Variants in RBPMS observed in about 807,000 individuals in gnomAD.
RBPMS encodes RNA-binding protein with multiple splicing.
In RBPMS, 7 loss-of-function variants were observed where a neutral mutation model predicts 26.8. The observed-to-expected ratio is 0.26, with a 90% CI of 0.15 to 0.49. RBPMS has a LOEUF of 0.49. Among genes scored for constraint, RBPMS ranks in the 20% least tolerant of loss-of-function variants. RBPMS has a pLI of 0.98. For missense variants in RBPMS, 186 were observed against 250.0 expected (o/e 0.74, Z 1.73); for synonymous variants, 96 against 93.3 (o/e 1.03, Z -0.17).
At chr8:30,549,726 A>ATTTCTTTC (rs199860833) in intron 6 of RBPMS, 22 of 496,140 alleles carry the variant, frequency 4.4e-5, no homozygotes, top group South Asian at 1.6e-4. Context: ...CCTGGAGGCG[A>ATTTCTTTC]TTTCTTTCTT....
intron 4 of RBPMS, among the ~76,000 whole-genome samples, chr8:30,499,870 CTGTGTGTGTGTGTG>C (rs10543546): frequency 6.7e-4 from 101 of 150,296 alleles, no homozygotes; most frequent in Middle Eastern, 3.4e-3. Flanking sequence ...TCAGGGGAAA[CTGTGTGTGTGTGTG>C]TGTGTGTGTG....
At chr8:30,427,643 T>C (rs1210038233) in intron 1 of RBPMS, among the ~76,000 whole-genome samples, 1 of 152,228 alleles carries the variant, frequency 6.6e-6, no homozygotes, top group Non-Finnish European at 1.5e-5. Context: ...ATTTTTTATG[T>C]GTTTGGCAGA....
intron 5 of RBPMS, among the ~76,000 whole-genome samples, chr8:30,527,495 C>T (rs1274489721): frequency 6.6e-6 from 1 of 152,134 alleles, no homozygotes; most frequent in East Asian, 1.9e-4. Flanking sequence ...GTTTCTATTC[C>T]CTCTGAGACA....
intron 5 of RBPMS, among the ~76,000 whole-genome samples, chr8:30,508,349 A>G (rs1001923352): frequency 5.9e-5 from 9 of 152,190 alleles, no homozygotes; most frequent in African/African-American, 1.7e-4. Flanking sequence ...TAGAAATACA[A>G]TACATCAAGT....
chr8:30,470,234 A>G (rs2150812314), intron 1 of RBPMS, among the ~76,000 whole-genome samples: 1 of 152,210 alleles, frequency 6.6e-6, no homozygotes, highest in Non-Finnish European at 1.5e-5. Flanking sequence ...AAATACAAAA[A>G]TTAGCTGAGC....
chr8:30,516,903 T>TACACACAC (rs139256402), intron 5 of RBPMS, among the ~76,000 whole-genome samples: 45 of 147,390 alleles, frequency 3.1e-4, no homozygotes, highest in East Asian at 1.5e-3. Flanking sequence ...CATCTCTAAA[T>TACACACAC]ACACACACAC....
intron 5 of RBPMS, among the ~76,000 whole-genome samples, chr8:30,506,399 C>T (rs951374041): frequency 4.0e-5 from 6 of 150,262 alleles, no homozygotes; most frequent in African/African-American, 1.5e-4. Flanking sequence ...AAATAAAAGT[C>T]AGCATGATTT....
chr8:30,414,649 T>C (rs575665401), intron 1 of RBPMS, among the ~76,000 whole-genome samples: 2 of 152,320 alleles, frequency 1.3e-5, no homozygotes, highest in South Asian at 4.1e-4. Context: ...TATCTGTGGC[T>C]CTTTAATTTA....
chr8:30,486,327 G>A (rs1274704887), intron 4 of RBPMS, among the ~76,000 whole-genome samples: 2 of 150,818 alleles, frequency 1.3e-5, no homozygotes, highest in African/African-American at 4.9e-5. Context: ...ATGACAGAGC[G>A]AGACTCCATC....
intron 1 of RBPMS, among the ~76,000 whole-genome samples, chr8:30,450,923 A>G (rs759709778): frequency 4.5e-4 from 69 of 152,102 alleles, no homozygotes; most frequent in Non-Finnish European, 8.7e-4. Flanking sequence ...GCAGATATAT[A>G]TCTGGTAAAA....
At chr8:30,419,562 C>A (rs1188237504) in intron 1 of RBPMS, among the ~76,000 whole-genome samples, 1 of 151,616 alleles carries the variant, frequency 6.6e-6, no homozygotes, top group Admixed American at 6.6e-5. Flanking sequence ...TGAGCACTGA[C>A]GTACCACAAG....
intron 4 of RBPMS, among the ~76,000 whole-genome samples, chr8:30,483,757 ACCTCCCCATT>A (rs1818511368): frequency 2.0e-5 from 3 of 151,892 alleles, no homozygotes; most frequent in Admixed American, 2.0e-4. Flanking sequence ...TGCAGTAAAT[ACCTCCCCATT>A]CTCCCTTTTC....
chr8:30,547,503 A>G lies in RBPMS; in HGVS notation c.528+2879A>G, dbSNP rs1420630078. On this transcript the variant is annotated intron_variant, in intron 6 of 8. Transcript: ENST00000397323. ...TTGAGAGATTTCAATAAAAATTTTA[A>G]TCAGAGCAAAAATGAACTCAAGTAG... is the stretch of plus-strand genomic sequence containing the variant. 1.9e-6 allele frequency: 3 copies of G among 1,539,848 alleles called. No individual in the cohort carries two copies. In the East Asian group the frequency reaches 6.8e-5, roughly 35 times the overall value.
intron 5 of RBPMS, among the ~76,000 whole-genome samples, chr8:30,522,933 G>A (rs973041557): frequency 2.0e-5 from 3 of 152,144 alleles, no homozygotes; most frequent in Admixed American, 2.0e-4. Context: ...TATATAAGAA[G>A]AATAATGCTT....
At chr8:30,470,864 G>A (rs759929901) in intron 1 of RBPMS, among the ~76,000 whole-genome samples, 7 of 152,102 alleles carry the variant, frequency 4.6e-5, no homozygotes, top group Admixed American at 4.6e-4. Context: ...TTTTCCCCAT[G>A]TATGACAATT....
At chr8:30,395,461 C>CAAAAAAAA (rs55914538) in intron 1 of RBPMS, among the ~76,000 whole-genome samples, 5 of 43,798 alleles carry the variant, frequency 1.1e-4, no homozygotes, top group African/African-American at 8.9e-4. Flanking sequence ...GACTCTGTCT[C>CAAAAAAAA]AAAAAAAAAA....
chr8:30,557,403 G>A (rs750580184), intron 6 of RBPMS, among the ~76,000 whole-genome samples: 4 of 152,290 alleles, frequency 2.6e-5, no homozygotes, highest in Non-Finnish European at 2.9e-5. Context: ...AGGGGATCTC[G>A]TGGGGCCTCA....
At chr8:30,494,064 A>G (rs753888886) in intron 4 of RBPMS, among the ~76,000 whole-genome samples, 1 of 152,208 alleles carries the variant, frequency 6.6e-6, no homozygotes, top group Non-Finnish European at 1.5e-5. Flanking sequence ...TTCCTCCTAC[A>G]AAGGGAATCC....
chr8:30,554,356 C>G (rs1422689946), intron 6 of RBPMS, among the ~76,000 whole-genome samples: 2 of 152,214 alleles, frequency 1.3e-5, no homozygotes, highest in Non-Finnish European at 2.9e-5. Context: ...CAGGGATTCA[C>G]AGCTGTTCCA....
Sources: allele counts gnomAD v4.1 joint callset (sites outside exome capture counted in the v4.1 genomes callset), GRCh38; gene constraint gnomAD v4.1.1; transcripts MANE v1.5; gene names NCBI Gene and HGNC (gene_info 2026-07-23, HGNC 2026-07-21).